Variants in MYLK4 observed in about 807,000 individuals in gnomAD.
The protein encoded by MYLK4 is caMLCK like.
MYLK4 carries 46 observed loss-of-function variants against 48.1 expected under a neutral mutation model. The ratio of observed to expected loss-of-function variants is 0.96; its 90% CI spans 0.75 to 1.22. MYLK4 has a LOEUF of 1.22. Among genes scored for constraint, MYLK4 ranks in the 50% most tolerant of loss-of-function variants. The pLI, the probability that MYLK4 is intolerant of heterozygous loss-of-function variation, is 0.00. For missense variants in MYLK4, 451 were observed against 486.1 expected, an observed-to-expected ratio of 0.93 and a Z score of 0.68; for synonymous variants, 170 against 180.8, an observed-to-expected ratio of 0.94 and a Z score of 0.48.
At chr6:2,744,457 G>C (rs1003551213) in intron 2 of MYLK4, among the ~76,000 whole-genome samples, 1 of 152,214 alleles carries the variant, frequency 6.6e-6, no homozygotes, top group Non-Finnish European at 1.5e-5. Context: ...GTGGCGAAAT[G>C]CAACTTGAAA....
At chr6:2,740,175 G>A (rs895895117) in intron 2 of MYLK4, among the ~76,000 whole-genome samples, 2 of 152,192 alleles carry the variant, frequency 1.3e-5, no homozygotes, top group African/African-American at 4.8e-5. Flanking sequence ...CTGTAAAGTG[G>A]AGGAAATAGT....
intron 2 of MYLK4, among the ~76,000 whole-genome samples, chr6:2,704,661 G>A (rs942846152): frequency 3.3e-5 from 5 of 152,166 alleles, no homozygotes; most frequent in Admixed American, 2.6e-4. Flanking sequence ...TGGGAAATGA[G>A]GTTAGAGTTA....
intron 2 of MYLK4, among the ~76,000 whole-genome samples, chr6:2,737,968 T>G (rs1582117945): frequency 7.9e-4 from 1 of 1,262 alleles, no homozygotes. Flanking sequence ...GGGGGTGGGG[T>G]GCCGGGGGCG....
intron 2 of MYLK4, among the ~76,000 whole-genome samples, chr6:2,699,802 T>C (rs1435416246): frequency 2.0e-5 from 3 of 152,222 alleles, no homozygotes; most frequent in Non-Finnish European, 4.4e-5. Flanking sequence ...CGCTTGAGCC[T>C]GGTGGTAGAG....
intron 2 of MYLK4, among the ~76,000 whole-genome samples, chr6:2,714,572 C>T (rs1486892078): frequency 6.6e-6 from 1 of 152,166 alleles, no homozygotes; most frequent in Non-Finnish European, 1.5e-5. Context: ...TGTCCTGCAT[C>T]AGAATTATCA....
At chr6:2,734,400 G>T (rs1457216335) in intron 2 of MYLK4, among the ~76,000 whole-genome samples, 1 of 152,176 alleles carries the variant, frequency 6.6e-6, no homozygotes, top group East Asian at 1.9e-4. Flanking sequence ...CCCTCCCAGG[G>T]CAGAGGGAGT....
chr6:2,768,679 C>T, the MYLK4 span: 25 of 1,585,872 alleles, frequency 1.6e-5, no homozygotes, highest in Admixed American at 1.4e-4. Flanking sequence ...CCATGTATGT[C>T]ATCTTTTCTA....
chr6:2,762,752 C>G, the MYLK4 span, among the ~76,000 whole-genome samples: 1 of 152,302 alleles, frequency 6.6e-6, no homozygotes, highest in East Asian at 1.9e-4. Flanking sequence ...TTTCTTCTTT[C>G]TGGTAGCTTC....
At chr6:2,767,717 C>T in the MYLK4 span, among the ~76,000 whole-genome samples, 1 of 152,182 alleles carries the variant, frequency 6.6e-6, no homozygotes, top group Admixed American at 6.5e-5. Flanking sequence ...TTGGTGGCCC[C>T]AGACAGCAAG....
At chr6:2,715,182 C>T (rs1762822504) in intron 2 of MYLK4, among the ~76,000 whole-genome samples, 1 of 151,638 alleles carries the variant, frequency 6.6e-6, no homozygotes, top group African/African-American at 2.4e-5. Context: ...ATCACTTGAA[C>T]CTGGGAGGCG....
intron 6 of MYLK4, among the ~76,000 whole-genome samples, chr6:2,683,772 T>A (rs1482376620): frequency 1.3e-5 from 2 of 152,158 alleles, no homozygotes; most frequent in African/African-American, 2.4e-5. Context: ...ACATGTATCA[T>A]GTTCTAAAGA....
chr6:2,765,853 C>T, the MYLK4 span: 25 of 1,422,868 alleles, frequency 1.8e-5, no homozygotes, highest in East Asian at 3.1e-5. Context: ...TGTCGGAGAG[C>T]TCGGCGCTGA....
Position 2,685,637 on chromosome 6 carries a change from G to A in MYLK4, c.342-61C>T, listed in dbSNP as rs17135455. ...TGTGGTCAGCTGCCGAGTGGACAGC[G>A]CACAGTGGCCCCAGTATTTCTCCTG... On this transcript the variant is annotated intron_variant, in intron 4 of 12. Transcript: ENST00000274643. The surrounding 1 kb of genome is among the most constrained non-coding windows in gnomAD (Gnocchi z 4.5). The A allele has an allele frequency of 8.0e-4, 1,168 of 1,458,480 alleles. 18 individuals are homozygous for A. The East Asian group carries it at 0.018, about 23-fold the overall frequency. 90.3% of individuals were successfully genotyped at this position (1,458,480 alleles called of 1,614,324 possible).
At chr6:2,696,732 T>C (rs900898936) in intron 2 of MYLK4, among the ~76,000 whole-genome samples, 1 of 152,254 alleles carries the variant, frequency 6.6e-6, no homozygotes, top group African/African-American at 2.4e-5. Context: ...TGGACACATA[T>C]AAAAGTATCT....
intron 2 of MYLK4, among the ~76,000 whole-genome samples, chr6:2,717,842 C>T (rs1238764988): frequency 6.6e-6 from 1 of 152,146 alleles, no homozygotes; most frequent in African/African-American, 2.4e-5. Flanking sequence ...ACTCAGCATT[C>T]CAGGATGTCG....
rs148526129 is a variant in MYLK4, at chr6:2,677,819, C to T, written c.1040+401G>A. Among the ~76,000 whole-genome samples, 1,155 of 152,302 alleles carry T rather than the reference C, an allele frequency of 7.6e-3. 58 individuals are homozygous for T. The highest frequency in any genetic ancestry group is 0.068 in the Admixed American group (1,038 of 15,296). On this transcript the variant is annotated intron_variant, in intron 10 of 12. Coordinates refer to ENST00000274643, the MANE Select transcript of MYLK4 (RefSeq NM_001012418.5). Reference sequence around the variant, plus strand: ...GTTAAAAGAGATAATGTCTACAAAGCACTTGGCATGATCTGGCCCACAGTA... The same window carrying T: ...GTTAAAAGAGATAATGTCTACAAAGTACTTGGCATGATCTGGCCCACAGTA...
intron 2 of MYLK4, among the ~76,000 whole-genome samples, chr6:2,719,826 G>A (rs965783269): frequency 1.3e-5 from 2 of 152,164 alleles, no homozygotes; most frequent in Non-Finnish European, 2.9e-5. Context: ...ACATCAACAA[G>A]CAGCATTTGT....
intron 6 of MYLK4, 115 bp from the exon 7 acceptor site, chr6:2,683,277 G>T: frequency 9.0e-7 from 1 of 1,115,104 alleles, no homozygotes; most frequent in Non-Finnish European, 1.3e-6. Flanking sequence ...TGTATGTGCA[G>T]TTATTTCTCT....
At chr6:2,766,507 C>A in the MYLK4 span, 1 of 1,436,450 alleles carries the variant, frequency 7.0e-7, no homozygotes. Context: ...AGCTGATGGT[C>A]GGAGAGCCGG....
Sources: gnomAD v4.1 joint callset for allele counts (sites outside exome capture counted in the v4.1 genomes callset) on GRCh38, gnomAD v4.1.1 for gene constraint, Gnocchi (gnomAD v3.1) non-coding constraint, MANE v1.5 for transcripts, NCBI Gene and HGNC (gene_info 2026-07-23, HGNC 2026-07-21) for gene names.